The following PTGES2 variants were observed in gnomAD, a reference collection of about 807,000 sequenced individuals.
PTGES2 encodes the protein GATE-binding factor 1.
Under a neutral mutation model 44.5 loss-of-function variants are expected in PTGES2, and 35 were observed. That is an observed-to-expected ratio of 0.79 (90% CI 0.60 to 1.04). The LOEUF (loss-of-function observed/expected upper bound fraction) is 1.04. Ranked by LOEUF, PTGES2 falls within the 50% of genes least tolerant of loss-of-function variation. The probability of loss-of-function intolerance (pLI) is 0.00; values close to 1 mark genes in which losing one functional copy is unlikely to be tolerated. For missense variants in PTGES2, 517 were observed against 521.4 expected (o/e 0.99, Z 0.08); for synonymous variants, 221 against 227.5 (o/e 0.97, Z 0.26).
Position 128,123,109 on chromosome 9 carries a change from C to T in PTGES2, c.712G>A (p.Ala238Thr). 6.2e-7 allele frequency: 1 copy of T among 1,610,524 alleles called. No individual in the cohort carries two copies. Among genetic ancestry groups the T allele is most frequent in the Non-Finnish European group, 8.5e-7 (1 of 1,179,942 alleles). ...ATCAGGTGCACCAGCCAGTCGTCCG[C>T]CCACTGCCGCCACTTCATCTCCTCC... ...RTEEMKWRQW[A>T]DDWLVHLISP... Residue 238 changes from alanine to threonine, a missense_variant, in exon 5 of 7, where the codon GCG becomes ACG. Physicochemically the swap from Ala to Thr is moderately conservative, Grantham distance 58. Transcript: ENST00000338961. The surrounding 1 kb of genome is among the most constrained non-coding windows in gnomAD (Gnocchi z 4.4).
chr9:128,126,792 G>A (rs1383035609), intron 1 of PTGES2, among the ~76,000 whole-genome samples: 6 of 151,348 alleles, frequency 4.0e-5, no homozygotes, highest in Non-Finnish European at 7.4e-5. Flanking sequence ...CCCAGGAGGC[G>A]GAGGTTGCAG....
At position 128,125,290 on chromosome 9, in the gene PTGES2, G is replaced by T; in HGVS notation, c.431C>A (p.Ser144Tyr). ...PVRRAEIKFS[S>Y]YRKVPILVAQ... ...CACCAGGATGGGCACCTTTCTGTAG[G>T]AGGAGAACTTGATCTCAGCCCTGCG... The change falls in exon 2 of 7, where the codon TCC becomes TAC. Residue 144 changes from serine to tyrosine, a missense_variant. Ser to Tyr is a moderately radical substitution (Grantham distance 144). Coordinates refer to ENST00000338961, the MANE Select transcript of PTGES2 (RefSeq NM_025072.7). 5 of 1,611,888 alleles carry T rather than the reference G, an allele frequency of 3.1e-6. No homozygotes were observed. The highest frequency in any genetic ancestry group is 4.2e-6 in the Non-Finnish European group (5 of 1,178,916).
Position 128,125,358 on chromosome 9 carries a change from G to A in PTGES2, c.363C>T (p.Asp121=). Residue 121 remains aspartate, a synonymous_variant, in exon 2 of 7, where the codon GAC becomes GAT. Coordinates refer to ENST00000338961, the MANE Select transcript of PTGES2 (RefSeq NM_025072.7). Reference sequence around the variant, plus strand: ...CCACCTGGTAGGGCAGGGCATGGAAGTCGAGGAAGGCTCGGACCTTGCTGC... The same window carrying A: ...CCACCTGGTAGGGCAGGGCATGGAAATCGAGGAAGGCTCGGACCTTGCTGC... ...PFCSKVRAFL[D]FHALPYQVVE... 2 of 1,614,200 alleles carry A rather than the reference G, an allele frequency of 1.2e-6. No individual in the cohort carries two copies. The highest frequency in any genetic ancestry group is 1.1e-5 in the South Asian group (1 of 91,090).
In PTGES2 at chr9:128,123,657, C is replaced by A. The variant is rs760453610; in HGVS notation, c.686+45G>T. 1.3e-5 allele frequency: 20 copies of A among 1,587,770 alleles called. No individual in the cohort carries two copies. Among genetic ancestry groups the A allele is most frequent in the Non-Finnish European group, 1.7e-5 (20 of 1,163,264 alleles). On this transcript the variant is annotated intron_variant, in intron 4 of 6. Transcript: ENST00000338961. This position sits in a 1 kb window ranked among gnomAD's most constrained non-coding sequence, Gnocchi z 4.4. The stretch of plus-strand genomic sequence containing the variant: ...CAGCTTGGTCCTACTCTACAGAAGA[C>A]CCCTGCGGTCACCACCTTCCCCCGC...
Position 128,125,246 on chromosome 9 carries a change from A to C in PTGES2, c.475T>G (p.Ser159Ala), listed in dbSNP as rs1024261466. 2 of 1,578,686 alleles carry C rather than the reference A, an allele frequency of 1.3e-6. No homozygotes were observed. Among genetic ancestry groups the C allele is most frequent in the African/African-American group, 2.7e-5 (2 of 73,950 alleles). The part of the protein sequence containing the change: ...PILVAQEGES[S>A]QQLNDSSVII... ...GCAGGGGGTTCCCTGGGGCTCACCG[A>C]GCTTTCTCCTTCCTGGGCCACCAGG... The change falls in exon 2 of 7, where the codon TCG (serine) becomes GCG (alanine). Residue 159 changes from serine (S) to alanine (A), a missense_variant and splice_region_variant. Physicochemically the swap from Ser to Ala is moderately conservative, Grantham distance 99. Coordinates refer to ENST00000338961, the MANE Select transcript of PTGES2 (RefSeq NM_025072.7).
In PTGES2 at chr9:128,121,185, C is replaced by T. The variant is rs939166201; in HGVS notation, c.1094G>A (p.Arg365Gln). ...GGCCTCGGTGATGGCCCTCTCCACC[C>T]GCAGGTACCAGGGCTGGATGTGCGT... ...QHTHIQPWYL[R>Q]VERAITEASP... Residue 365 changes from arginine to glutamine, a missense_variant, in exon 7 of 7, where the codon CGG (arginine) becomes CAG (glutamine). Physicochemically the swap from Arg to Gln is conservative, Grantham distance 43. Coordinates refer to ENST00000338961, the MANE Select transcript of PTGES2 (RefSeq NM_025072.7). The T allele has an allele frequency of 2.5e-6, 4 of 1,592,938 alleles. No homozygotes were observed. Among genetic ancestry groups the T allele is most frequent in the Admixed American group, 1.8e-5 (1 of 56,872 alleles).
rs1230636959 is a variant in PTGES2 at position 128,120,783 on chromosome 9, C to CAGGGGA, written c.*356_*361dup. ...CGGGAGGCTTGGGAAGAGTGGGAAC[C>CAGGGGA]AGGGGAACCCAGGGATGGGATTCCA... On this transcript the variant is annotated 3_prime_UTR_variant, in exon 7 of 7. Transcript: ENST00000338961. 7 of 233,546 alleles carry CAGGGGA rather than the reference C, an allele frequency of 3.0e-5. No homozygotes were observed. Among genetic ancestry groups the CAGGGGA allele is most frequent in the Non-Finnish European group, 5.9e-5 (7 of 118,982 alleles). 14.5% of individuals were successfully genotyped at this position (233,546 alleles called of 1,614,324 possible). A position where few individuals can be genotyped will look rare whatever the true frequency, so the allele number is the denominator to read the frequency against.
chr9:128,127,374 G>A (rs73669644), intron 1 of PTGES2, 65 bp downstream of exon 1: 5 of 1,285,844 alleles, frequency 3.9e-6, no homozygotes, highest in Non-Finnish European at 5.0e-6. Context: ...TGACCCTGCG[G>A]GTTCCCAGGA....
At position 128,125,348 on chromosome 9, in the gene PTGES2, G is replaced by C; in HGVS notation, c.373C>G (p.Leu125Val). The C allele has an allele frequency of 6.2e-7, 1 of 1,614,170 alleles. No individual in the cohort carries two copies. The highest frequency in any genetic ancestry group is 8.5e-7 in the Non-Finnish European group (1 of 1,180,008). The change falls in exon 2 of 7, where the codon CTG (leucine) becomes GTG (valine). Residue 125 changes from leucine (L) to valine (V), a missense_variant. By Grantham distance (32) the Leu-to-Val change is conservative. Transcript: ENST00000338961. ...TTCACCTCCACCACCTGGTAGGGCA[G>C]GGCATGGAAGTCGAGGAAGGCTCGG... ...KVRAFLDFHA[L>V]PYQVVEVNPV... is the part of the protein sequence containing the mutation.
chr9:128,124,063 C>T (rs572385468), intron 3 of PTGES2, among the ~76,000 whole-genome samples: 1 of 152,068 alleles, frequency 6.6e-6, no homozygotes, highest in African/African-American at 2.4e-5. Flanking sequence ...AGGAGGACGG[C>T]CACGGGCTAC....
Position 128,127,449 on chromosome 9 carries a change from G to T in PTGES2, c.269C>A (p.Ser90Ter). ...CGGGCCAGGCCTTACCTGCGCGGCT[G>T]AGCGCTCTGCGTGGAGGTCCTGGGC... is the stretch of plus-strand genomic sequence containing the variant. Reference protein sequence around the residue: ...LRAQDLHAERSAAQLSLSSRL... With the variant: ...LRAQDLHAER Residue 90 changes from serine (S) to a stop codon, truncating the protein, a stop_gained, in exon 1 of 7, where the codon TCA becomes TAA. Coordinates refer to ENST00000338961, the MANE Select transcript of PTGES2 (RefSeq NM_025072.7). LOFTEE classifies it high-confidence loss of function. 2 of 1,385,756 alleles carry T rather than the reference G, an allele frequency of 1.4e-6. No homozygotes were observed. Among genetic ancestry groups the T allele is most frequent in the South Asian group, 3.4e-5 (2 of 58,256 alleles). The allele number at this position is 1,385,756 out of a possible 1,614,324, so 85.8% of individuals were successfully genotyped here.
At position 128,125,376 on chromosome 9, in the gene PTGES2, C is replaced by G; in HGVS notation, c.345G>C (p.Lys115Asn). The change falls in exon 2 of 7, where the codon AAG becomes AAC. Residue 115 changes from lysine to asparagine, a missense_variant. Lys to Asn is a moderately conservative substitution (Grantham distance 94). Transcript: ENST00000338961. ...CATGGAAGTCGAGGAAGGCTCGGACCTTGCTGCAGAAGGGACACGTCTTGT... is the reference window on the plus strand; with the variant it reads ...CATGGAAGTCGAGGAAGGCTCGGACGTTGCTGCAGAAGGGACACGTCTTGT... ...YQYKTCPFCS[K>N]VRAFLDFHAL... 6.2e-7 allele frequency: 1 copy of G among 1,614,190 alleles called. No individual in the cohort carries two copies. Among genetic ancestry groups the G allele is most frequent in the South Asian group, 1.1e-5 (1 of 91,086 alleles).
Position 128,125,394 on chromosome 9 carries a change from C to T in PTGES2, c.327G>A (p.Thr109=), listed in dbSNP as rs141511687. Residue 109 remains threonine (T), a synonymous_variant, in exon 2 of 7, where the codon ACG becomes ACA. Transcript: ENST00000338961. ...CTCGGACCTTGCTGCAGAAGGGACA[C>T]GTCTTGTACTGGTACAGGGTCAGCT... ...RLQLTLYQYK[T]CPFCSKVRAF... 15 of 1,614,026 alleles carry T rather than the reference C, an allele frequency of 9.3e-6. No individual in the cohort carries two copies. The highest frequency in any genetic ancestry group is 2.7e-5 in the African/African-American group (2 of 74,918).
chr9:128,125,577 C>A, intron 1 of PTGES2, 136 bp from the exon 2 acceptor site: 1 of 806,194 alleles, frequency 1.2e-6, no homozygotes, highest in Non-Finnish European at 2.0e-6. Flanking sequence ...TGGAAGGGGG[C>A]GGTAGGGGAA....
In PTGES2 at chr9:128,127,470, T is replaced by G; in HGVS notation, c.248A>C (p.Gln83Pro). 7.1e-7 allele frequency: 1 copy of G among 1,402,910 alleles called. No homozygotes were observed. The highest frequency in any genetic ancestry group is 9.3e-7 in the Non-Finnish European group (1 of 1,073,896). 86.9% of individuals were successfully genotyped at this position (1,402,910 alleles called of 1,614,324 possible). A position where few individuals can be genotyped will look rare whatever the true frequency, so the allele number is the denominator to read the frequency against. ...GGCTGAGCGCTCTGCGTGGAGGTCC[T>G]GGGCGCGCAGGTGCCACCGCGCCGT... Reference protein sequence around the residue: ...YHTARWHLRAQDLHAERSAAQ... With the variant: ...YHTARWHLRAPDLHAERSAAQ... Residue 83 changes from glutamine to proline, a missense_variant, in exon 1 of 7, where the codon CAG becomes CCG. Coordinates refer to ENST00000338961, the MANE Select transcript of PTGES2 (RefSeq NM_025072.7).
Position 128,121,102 on chromosome 9 carries a change from C to G in PTGES2, c.*43G>C. On this transcript the variant is annotated 3_prime_UTR_variant, in exon 7 of 7. Coordinates refer to ENST00000338961, the MANE Select transcript of PTGES2 (RefSeq NM_025072.7). Reference sequence around the variant, plus strand: ...GCCCAGTGGCCCCAGGCCCTGGCAGCTGGCGTCTTCCGCTGCCTTCCCTCT... The same window carrying G: ...GCCCAGTGGCCCCAGGCCCTGGCAGGTGGCGTCTTCCGCTGCCTTCCCTCT... 1 of 1,555,562 alleles carries G rather than the reference C, an allele frequency of 6.4e-7. No homozygotes were observed. The highest frequency in any genetic ancestry group is 8.7e-7 in the Non-Finnish European group (1 of 1,150,878).
chr9:128,121,985 C>T (rs529068613), intron 6 of PTGES2, among the ~76,000 whole-genome samples: 6 of 151,808 alleles, frequency 4.0e-5, no homozygotes, highest in South Asian at 2.1e-4. Flanking sequence ...GCCAGTGAGA[C>T]GCCCTCCCAG....
At chr9:128,122,510 G>T in intron 5 of PTGES2, 31 bp from the exon 6 acceptor site, 1 of 1,585,218 alleles carries the variant, frequency 6.3e-7, no homozygotes. Flanking sequence ...CCCCTCAGGG[G>T]AGCCCCCACT....
chr9:128,127,429 C>A lies in PTGES2; in HGVS notation c.279+10G>T, dbSNP rs1429766618. 19 of 1,353,768 alleles carry A rather than the reference C, an allele frequency of 1.4e-5. No individual in the cohort carries two copies. The highest frequency in any genetic ancestry group is 2.8e-5 in the East Asian group (1 of 35,626). The allele number at this position is 1,353,768 out of a possible 1,614,324, so 83.9% of individuals were successfully genotyped here. A position where few individuals can be genotyped will look rare whatever the true frequency, so the allele number is the denominator to read the frequency against. ...TCAGCATCCCCATCCCCGGCCGGGC[C>A]AGGCCTTACCTGCGCGGCTGAGCGC... On this transcript the variant is annotated intron_variant, in intron 1 of 6. Transcript: ENST00000338961.
Sources: allele counts gnomAD v4.1 joint callset (sites outside exome capture counted in the v4.1 genomes callset), GRCh38; gene constraint gnomAD v4.1.1; non-coding constraint Gnocchi (gnomAD v3.1); transcripts MANE v1.5; gene names NCBI Gene and HGNC (gene_info 2026-07-23, HGNC 2026-07-21).